Variants in KATNAL1 observed in about 807,000 individuals in gnomAD.
The protein encoded by KATNAL1 is katanin p60 ATPase-containing subunit A-like 1.
Under a neutral mutation model 55.2 loss-of-function variants are expected in KATNAL1, and 32 were observed. That is an observed-to-expected ratio of 0.58 (90% confidence interval 0.44 to 0.78). The LOEUF is 0.78. Among genes scored for constraint, KATNAL1 ranks in the 30% least tolerant of loss-of-function variants. The pLI is 0.00. For missense variants in KATNAL1, 466 were observed against 600.9 expected, an observed-to-expected ratio of 0.78 and a Z score of 2.35; for synonymous variants, 193 against 193.6, an observed-to-expected ratio of 1.00 and a Z score of 0.02.
intron 4 of KATNAL1, among the ~76,000 whole-genome samples, chr13:30,242,145 A>C (rs1877342377): frequency 6.6e-6 from 1 of 152,220 alleles, no homozygotes; most frequent in African/African-American, 2.4e-5. Context: ...CACTAGGAAC[A>C]TTCTGTAATC....
intron 3 of KATNAL1, among the ~76,000 whole-genome samples, chr13:30,257,055 T>C (rs1878856281): frequency 6.6e-6 from 1 of 152,348 alleles, no homozygotes; most frequent in Middle Eastern, 3.4e-3. Context: ...TTTAGGACAT[T>C]AGTAGTCTTT....
At chr13:30,283,088 T>C (rs1353217124) in intron 2 of KATNAL1, among the ~76,000 whole-genome samples, 1 of 151,260 alleles carries the variant, frequency 6.6e-6, no homozygotes, top group Admixed American at 6.6e-5. Flanking sequence ...GCCAACATGG[T>C]GAAACCCTGT....
At chr13:30,241,906 C>CA (rs942204823) in intron 4 of KATNAL1, among the ~76,000 whole-genome samples, 3 of 151,970 alleles carry the variant, frequency 2.0e-5, no homozygotes, top group African/African-American at 4.8e-5. Flanking sequence ...GTACTTCACC[C>CA]AAAAAAATAA....
At chr13:30,270,090 C>A (rs1429227962) in intron 3 of KATNAL1, among the ~76,000 whole-genome samples, 2 of 125,150 alleles carry the variant, frequency 1.6e-5, no homozygotes, top group East Asian at 2.9e-4. Flanking sequence ...GTCAGCCCCC[C>A]GCCCGGCCAG....
chr13:30,306,099 C>T (rs904124764), intron 1 of KATNAL1, among the ~76,000 whole-genome samples: 1 of 152,100 alleles, frequency 6.6e-6, no homozygotes, highest in Non-Finnish European at 1.5e-5. Flanking sequence ...CAACAATTCT[C>T]CAACTTACTC....
chr13:30,267,083 T>G (rs771019656), intron 3 of KATNAL1, among the ~76,000 whole-genome samples: 2 of 152,240 alleles, frequency 1.3e-5, no homozygotes, highest in Admixed American at 1.3e-4. Flanking sequence ...TCACTAATGA[T>G]GGAATTCCAT....
rs200715363 is a variant in KATNAL1 at position 30,292,367 on chromosome 13, ATT to A, written c.-14-8578_-14-8577del. ...TCCAGAAGACAACCTAACCCAAGGT[ATT>A]TTTTTTTTTTCCATCAGTTCCCCAA... On this transcript the variant is annotated intron_variant, in intron 1 of 10. Transcript: ENST00000380615. Among the ~76,000 whole-genome samples the A allele has an allele frequency of 1.2e-3, 175 of 146,828 alleles. 1 individual carries two copies. The highest frequency in any genetic ancestry group is 4.0e-3 in the African/African-American group (162 of 40,282).
chr13:30,289,717 TTTC>T (rs1357609094), intron 1 of KATNAL1, among the ~76,000 whole-genome samples: 1 of 152,208 alleles, frequency 6.6e-6, no homozygotes, highest in African/African-American at 2.4e-5. Context: ...TTTTTCATCT[TTTC>T]TTGTTTTGAC....
intron 1 of KATNAL1, among the ~76,000 whole-genome samples, chr13:30,293,685 G>A (rs1882288960): frequency 6.6e-6 from 1 of 151,944 alleles, no homozygotes; most frequent in Non-Finnish European, 1.5e-5. Context: ...CTTTGTATTT[G>A]ACCTCCAACT....
chr13:30,259,239 C>A (rs1879041386), intron 3 of KATNAL1, among the ~76,000 whole-genome samples: 1 of 152,028 alleles, frequency 6.6e-6, no homozygotes, highest in African/African-American at 2.4e-5. Context: ...ACTCAGGAGG[C>A]TGAGGCAGGA....
chr13:30,219,734 T>TAC (rs1414677768), intron 9 of KATNAL1, among the ~76,000 whole-genome samples: 1 of 152,176 alleles, frequency 6.6e-6, no homozygotes, highest in Non-Finnish European at 1.5e-5. Context: ...GATCATAAGG[T>TAC]ACACACCTTC....
intron 4 of KATNAL1, among the ~76,000 whole-genome samples, chr13:30,253,409 G>C (rs1364947406): frequency 1.3e-5 from 2 of 151,950 alleles, no homozygotes; most frequent in African/African-American, 4.8e-5. Flanking sequence ...AAAATCATTT[G>C]ATAACATTAT....
At chr13:30,211,648 G>C (rs1158127393) in intron 9 of KATNAL1, among the ~76,000 whole-genome samples, 1 of 151,952 alleles carries the variant, frequency 6.6e-6, no homozygotes, top group East Asian at 1.9e-4. Flanking sequence ...TCCCCCAATT[G>C]ATCTTATACA....
At chr13:30,246,974 T>C (rs1877856398) in intron 4 of KATNAL1, among the ~76,000 whole-genome samples, 1 of 152,234 alleles carries the variant, frequency 6.6e-6, no homozygotes, top group African/African-American at 2.4e-5. Context: ...GCCTACACAA[T>C]GTGCCACGTA....
At chr13:30,216,525 A>G (rs2137356437) in intron 9 of KATNAL1, among the ~76,000 whole-genome samples, 1 of 152,354 alleles carries the variant, frequency 6.6e-6, no homozygotes, top group East Asian at 1.9e-4. Context: ...TGGGATTACC[A>G]GAAAACAGAA....
chr13:30,282,231 T>A (rs887999957), intron 2 of KATNAL1, among the ~76,000 whole-genome samples: 2 of 152,186 alleles, frequency 1.3e-5, no homozygotes, highest in African/African-American at 4.8e-5. Flanking sequence ...AATATAGTAA[T>A]GTTTTTTATT....
intron 3 of KATNAL1, among the ~76,000 whole-genome samples, chr13:30,278,758 G>T (rs1288930921): frequency 6.6e-6 from 1 of 152,176 alleles, no homozygotes; most frequent in Non-Finnish European, 1.5e-5. Flanking sequence ...AAAATTTCAA[G>T]TTATAGTAGG....
intron 9 of KATNAL1, 105 bp downstream of exon 9, chr13:30,227,307 A>G: frequency 3.8e-6 from 4 of 1,042,890 alleles, no homozygotes; most frequent in Non-Finnish European, 5.5e-6. Flanking sequence ...TAATTTTGTG[A>G]TGCTATAAAC....
chr13:30,222,247 G>T (rs575952901), intron 9 of KATNAL1, among the ~76,000 whole-genome samples: 5 of 152,164 alleles, frequency 3.3e-5, no homozygotes, highest in African/African-American at 9.6e-5. Context: ...GCCCACACTG[G>T]GAAGAAGAAA....
Sources: allele counts gnomAD v4.1 joint callset (sites outside exome capture counted in the v4.1 genomes callset), GRCh38; gene constraint gnomAD v4.1.1; transcripts MANE v1.5; gene names NCBI Gene and HGNC (gene_info 2026-07-23, HGNC 2026-07-21).